Variants in KLF15 observed in about 807,000 individuals in gnomAD.
KLF15 encodes the protein KLF transcription factor 15.
Under a neutral mutation model 24.6 loss-of-function variants are expected in KLF15, and 4 were observed. The observed-to-expected ratio is 0.16, with a 90% confidence interval of 0.08 to 0.37. KLF15 has a LOEUF of 0.37. Ranked by LOEUF, KLF15 falls within the 10% of genes least tolerant of loss-of-function variation. The probability of loss-of-function intolerance (pLI) is 1.00; values close to 1 mark genes in which losing one functional copy is unlikely to be tolerated. For synonymous variants in KLF15, 246 were observed against 236.3 expected (o/e 1.04, Z -0.37); for missense variants, 496 against 560.6 (o/e 0.88, Z 1.16).
chr3:126,352,404 G>T lies in KLF15; in HGVS notation c.519C>A (p.Leu173=). The T allele has an allele frequency of 6.2e-7, 1 of 1,613,416 alleles. No homozygotes were observed. Among genetic ancestry groups the T allele is most frequent in the Admixed American group, 1.7e-5 (1 of 60,018 alleles). The part of the protein sequence containing the change: ...NSKDLDACSQ[L]SAGPHKSHLH... The stretch of plus-strand genomic sequence containing the variant: ...GGTGGCTCTTGTGTGGCCCAGCTGA[G>T]AGCTGGCTGCAGGCATCCAAGTCCT... Residue 173 remains leucine (L), a synonymous_variant, in exon 2 of 3, where the codon CTC becomes CTA. Coordinates refer to ENST00000296233, the MANE Select transcript of KLF15 (RefSeq NM_014079.4).
the KLF15 span, among the ~76,000 whole-genome samples, chr3:126,328,972 T>A: frequency 6.6e-6 from 1 of 152,252 alleles, no homozygotes; most frequent in Admixed American, 6.5e-5. Flanking sequence ...GACTCATATA[T>A]TTCTATCCAT....
At chr3:126,340,703 C>T (rs1373500188), downstream of KLF15, among the ~76,000 whole-genome samples, 2 of 152,124 alleles carry the variant, frequency 1.3e-5, no homozygotes, top group East Asian at 1.9e-4. Context: ...TATTCCTCAC[C>T]GTGGTGAGTC....
chr3:126,352,254 G>A lies in KLF15; in HGVS notation c.669C>T (p.Ile223=), dbSNP rs761506211. 2.7e-5 allele frequency: 42 copies of A among 1,538,820 alleles called. No individual in the cohort carries two copies. Among genetic ancestry groups the A allele is most frequent in the Non-Finnish European group, 3.4e-5 (39 of 1,145,410 alleles). The change falls in exon 2 of 3, where the codon ATC becomes ATT. Residue 223 remains isoleucine (I), a synonymous_variant. Transcript: ENST00000296233. ...ATTCCTGCTTCACAGGCACGGGCTG[G>A]ATCTGCAGCAACACTGGGATGGGGC... The part of the protein sequence containing the change: ...PDGPIPVLLQ[I]QPVPVKQESG...
chr3:126,327,489 G>T, the KLF15 span, among the ~76,000 whole-genome samples: 1 of 152,126 alleles, frequency 6.6e-6, no homozygotes, highest in African/African-American at 2.4e-5. Context: ...AGAGATCATG[G>T]GTGCTGTGGG....
At chr3:126,323,009 CA>C in the KLF15 span, among the ~76,000 whole-genome samples, 1 of 144,874 alleles carries the variant, frequency 6.9e-6, no homozygotes, top group African/African-American at 2.7e-5. Context: ...GATATGTGTA[CA>C]AGCCTGTTCT....
chr3:126,320,118 T>G, the KLF15 span, among the ~76,000 whole-genome samples: 7 of 152,020 alleles, frequency 4.6e-5, no homozygotes, highest in Admixed American at 2.6e-4. Flanking sequence ...CATAAATGGG[T>G]GAAGCAAGTA....
At chr3:126,339,134 G>A (rs186258334), downstream of KLF15, among the ~76,000 whole-genome samples, 118 of 152,278 alleles carry the variant, frequency 7.7e-4, 2 homozygotes, top group East Asian at 0.019. Flanking sequence ...CTCCTTTGGG[G>A]TCCTTGGTGT....
Position 126,356,932 on chromosome 3 carries a change from C to T in KLF15, c.-26+305G>A, listed in dbSNP as rs948064622. Among the ~76,000 whole-genome samples the T allele has an allele frequency of 3.9e-5, 6 of 151,922 alleles. No homozygotes were observed. The highest frequency in any genetic ancestry group is 1.4e-4 in the African/African-American group (6 of 41,390). ...CTCACCAGGCCGCGCCGGTGCCCAC[C>T]ATATGGGAGGGCCGGCCCGCAAGGC... is the stretch of plus-strand genomic sequence containing the variant. On this transcript the variant is annotated intron_variant, in intron 1 of 2. Transcript: ENST00000296233. The surrounding 1 kb of genome is among the most constrained non-coding windows in gnomAD (Gnocchi z 4.4).
At chr3:126,322,271 A>T in the KLF15 span, among the ~76,000 whole-genome samples, 3 of 152,214 alleles carry the variant, frequency 2.0e-5, no homozygotes, top group Non-Finnish European at 2.9e-5. Context: ...CAGTTCTGGA[A>T]ATCAGAAGTC....
chr3:126,313,910 G>T, the KLF15 span, among the ~76,000 whole-genome samples: 1 of 152,164 alleles, frequency 6.6e-6, no homozygotes, highest in African/African-American at 2.4e-5. Context: ...TCAGCAAACT[G>T]CAAACCCGTC....
chr3:126,324,966 G>A, the KLF15 span, among the ~76,000 whole-genome samples: 1 of 85,738 alleles, frequency 1.2e-5, no homozygotes, highest in Non-Finnish European at 2.2e-5. Flanking sequence ...CCCCTCCCCC[G>A]ACCCCACCAT....
rs150646321 is a variant in KLF15, at chr3:126,355,819, C to T, written c.-26+1418G>A. Among the ~76,000 whole-genome samples the T allele has an allele frequency of 7.2e-3, 1,102 of 152,294 alleles. 17 individuals are homozygous for T. Among genetic ancestry groups the T allele is most frequent in the African/African-American group, 0.025 (1,050 of 41,566 alleles). ...GGGTCTTAATGCTGGGCTGAACGTC[C>T]CAAGGGGGAAGCACCCAGGCACTGA... On this transcript the variant is annotated intron_variant, in intron 1 of 2. Transcript: ENST00000296233.
At chr3:126,296,801 A>T in the KLF15 span, among the ~76,000 whole-genome samples, 1 of 152,212 alleles carries the variant, frequency 6.6e-6, no homozygotes, top group Non-Finnish European at 1.5e-5. Flanking sequence ...GGCAGTTGTT[A>T]TTGCTCATTA....
At chr3:126,340,757 A>G (rs905939570), downstream of KLF15, among the ~76,000 whole-genome samples, 1 of 152,108 alleles carries the variant, frequency 6.6e-6, no homozygotes, top group African/African-American at 2.4e-5. Flanking sequence ...AGGTCAACAC[A>G]GCACTCCCCT....
At chr3:126,300,280 C>T in the KLF15 span, among the ~76,000 whole-genome samples, 1 of 152,206 alleles carries the variant, frequency 6.6e-6, no homozygotes, top group Non-Finnish European at 1.5e-5. Context: ...GGCCTCTGCC[C>T]TCCCTTCCCT....
chr3:126,328,347 G>A, the KLF15 span, among the ~76,000 whole-genome samples: 1 of 152,090 alleles, frequency 6.6e-6, no homozygotes, highest in Non-Finnish European at 1.5e-5. Context: ...GGGCTTTTGG[G>A]TTGGTTCTAC....
intron 1 of KLF15, 52 bp from the exon 2 acceptor site, chr3:126,352,999 C>T (rs1207393393): frequency 1.3e-6 from 2 of 1,518,870 alleles, no homozygotes; most frequent in Non-Finnish European, 1.8e-6. Context: ...GCTCACCTGC[C>T]ACCTCGCAGG....
the KLF15 span, among the ~76,000 whole-genome samples, chr3:126,306,605 G>A: frequency 7.9e-5 from 12 of 152,302 alleles, no homozygotes; most frequent in South Asian, 2.1e-4. Flanking sequence ...ACACATGCAC[G>A]TGCACACATG....
At chr3:126,307,268 C>T in the KLF15 span, among the ~76,000 whole-genome samples, 531 of 152,294 alleles carry the variant, frequency 3.5e-3, 4 homozygotes, top group African/African-American at 0.012. Context: ...TCACCGGGCT[C>T]CTCCATGTCC....
Sources: allele counts gnomAD v4.1 joint callset (sites outside exome capture counted in the v4.1 genomes callset), GRCh38; gene constraint gnomAD v4.1.1; non-coding constraint Gnocchi (gnomAD v3.1); transcripts MANE v1.5; gene names NCBI Gene and HGNC (gene_info 2026-07-23, HGNC 2026-07-21).